PLCB1: variants seen among roughly 807,000 people sequenced by gnomAD.
PLCB1 encodes 1-phosphatidylinositol 4,5-bisphosphate phosphodiesterase beta-1.
In PLCB1, 46 loss-of-function variants were observed where a neutral mutation model predicts 161.8. That is an observed-to-expected ratio of 0.28 (90% confidence interval 0.22 to 0.36). The LOEUF (loss-of-function observed/expected upper bound fraction) is 0.36, where lower values mean the gene tolerates loss of function less well. Among genes scored for constraint, PLCB1 ranks in the 10% least tolerant of loss-of-function variants. The pLI, the probability that PLCB1 is intolerant of heterozygous loss-of-function variation, is 1.00. For synonymous variants in PLCB1, 517 were observed against 503.7 expected, an observed-to-expected ratio of 1.03 and a Z score of -0.35; for missense variants, 1,016 against 1,472.5, an observed-to-expected ratio of 0.69 and a Z score of 5.07.
At chr20:8,593,345 G>A (rs1033596599) in intron 3 of PLCB1, among the ~76,000 whole-genome samples, 4 of 151,752 alleles carry the variant, frequency 2.6e-5, no homozygotes, top group African/African-American at 9.7e-5. Context: ...TCTAATTTGT[G>A]TGTGCGCGTG....
chr20:8,285,986 T>C (rs968843697), intron 2 of PLCB1, among the ~76,000 whole-genome samples: 3 of 152,198 alleles, frequency 2.0e-5, no homozygotes, highest in Admixed American at 1.3e-4. Context: ...TAGTAGTCCA[T>C]TGGTCATTTT....
At chr20:8,781,429 C>G (rs6140715) in intron 27 of PLCB1, among the ~76,000 whole-genome samples, 3 of 54,828 alleles carry the variant, frequency 5.5e-5, no homozygotes, top group Non-Finnish European at 1.2e-4. Flanking sequence ...CACACACACA[C>G]ACACACACAC....
intron 2 of PLCB1, among the ~76,000 whole-genome samples, chr20:8,284,089 GTTAAT>G (rs1360290673): frequency 1.3e-5 from 2 of 151,698 alleles, no homozygotes; most frequent in East Asian, 3.9e-4. Context: ...ATCAATAAAT[GTTAAT>G]TTAATAAGGG....
chr20:8,735,528 G>T (rs1000525544), intron 19 of PLCB1, among the ~76,000 whole-genome samples: 1 of 152,110 alleles, frequency 6.6e-6, no homozygotes, highest in South Asian at 2.1e-4. Context: ...TCATCTTCTG[G>T]CATAGATTTT....
intron 22 of PLCB1, 41 bp downstream of exon 22, chr20:8,740,489 A>G (rs905570567): frequency 4.4e-6 from 5 of 1,125,366 alleles, no homozygotes; most frequent in African/African-American, 3.2e-5. Context: ...TCAAAGGGGT[A>G]TTTCTGTCTG....
chr20:8,134,209 G>A (rs2051320716), intron 1 of PLCB1, among the ~76,000 whole-genome samples: 1 of 152,010 alleles, frequency 6.6e-6, no homozygotes, highest in Non-Finnish European at 1.5e-5. Flanking sequence ...TAAATGCTTT[G>A]TGTCAGGGAA....
chr20:8,338,360 A>G (rs1985663216), intron 2 of PLCB1, among the ~76,000 whole-genome samples: 1 of 152,132 alleles, frequency 6.6e-6, no homozygotes, highest in Non-Finnish European at 1.5e-5. Context: ...GTTAACATTA[A>G]TGGGAGGAAT....
At chr20:8,365,275 C>A (rs1986672077) in intron 2 of PLCB1, among the ~76,000 whole-genome samples, 1 of 152,196 alleles carries the variant, frequency 6.6e-6, no homozygotes, top group Non-Finnish European at 1.5e-5. Context: ...CTTACATTTT[C>A]TGCCTCCTAC....
chr20:8,860,476 G>A (rs1987217809), intron 31 of PLCB1, among the ~76,000 whole-genome samples: 1 of 152,114 alleles, frequency 6.6e-6, no homozygotes, highest in Non-Finnish European at 1.5e-5. Flanking sequence ...ATTTAACTTT[G>A]CCTTGGCTCA....
intron 2 of PLCB1, among the ~76,000 whole-genome samples, chr20:8,290,053 T>C (rs1600290470): frequency 3.3e-5 from 5 of 152,336 alleles, no homozygotes; most frequent in Admixed American, 3.3e-4. Flanking sequence ...CTAATTAATT[T>C]TTACTGTGTA....
chr20:8,813,236 C>T (rs1984918097), intron 31 of PLCB1, among the ~76,000 whole-genome samples: 1 of 152,198 alleles, frequency 6.6e-6, no homozygotes, highest in Non-Finnish European at 1.5e-5. Context: ...TAATACATTT[C>T]TCTACCAAGT....
chr20:8,654,917 T>TA (rs1268217803), intron 7 of PLCB1, among the ~76,000 whole-genome samples: 3 of 152,064 alleles, frequency 2.0e-5, no homozygotes, highest in African/African-American at 7.2e-5. Flanking sequence ...TAATGATGCT[T>TA]ACTTATTTTA....
At chr20:8,209,414 G>C (rs900526975) in intron 2 of PLCB1, among the ~76,000 whole-genome samples, 3 of 152,018 alleles carry the variant, frequency 2.0e-5, no homozygotes, top group Non-Finnish European at 2.9e-5. Context: ...GTTAGTTATT[G>C]TCTTCAAACA....
At chr20:8,734,135 C>CAAAAAAAAAAAAAAAAAAAA (rs10624037) in intron 19 of PLCB1, among the ~76,000 whole-genome samples, 2 of 57,934 alleles carry the variant, frequency 3.5e-5, no homozygotes, top group African/African-American at 7.1e-5. Context: ...GACTCTGTCT[C>CAAAAAAAAAAAAAAAAAAAA]AAAAAAAAAA....
At chr20:8,626,326 C>T (rs1014785474) in intron 3 of PLCB1, among the ~76,000 whole-genome samples, 3 of 152,078 alleles carry the variant, frequency 2.0e-5, no homozygotes, top group African/African-American at 7.2e-5. Context: ...CTACTCTGAG[C>T]ACCTACTCTG....
At chr20:8,610,924 G>A (rs1437628414) in intron 3 of PLCB1, among the ~76,000 whole-genome samples, 2 of 151,880 alleles carry the variant, frequency 1.3e-5, no homozygotes, top group African/African-American at 4.8e-5. Flanking sequence ...TGATAATGAT[G>A]AGAAGTTTTA....
At chr20:8,473,605 G>C (rs1466483769) in intron 3 of PLCB1, among the ~76,000 whole-genome samples, 1 of 152,134 alleles carries the variant, frequency 6.6e-6, no homozygotes, top group Admixed American at 6.5e-5. Context: ...TTAGTATCAA[G>C]ACCGAGGTGC....
chr20:8,308,481 G>A (rs1470929668), intron 2 of PLCB1, among the ~76,000 whole-genome samples: 1 of 151,980 alleles, frequency 6.6e-6, no homozygotes, highest in African/African-American at 2.4e-5. Flanking sequence ...GCTGGGCACG[G>A]TGGCAGGTGC....
At chr20:8,836,089 G>C (rs1034537965) in intron 31 of PLCB1, among the ~76,000 whole-genome samples, 1 of 152,022 alleles carries the variant, frequency 6.6e-6, no homozygotes, top group Non-Finnish European at 1.5e-5. Flanking sequence ...ACGGGGCCCT[G>C]TGTCTCTCTT....
Sources: allele counts gnomAD v4.1 joint callset (sites outside exome capture counted in the v4.1 genomes callset), GRCh38; gene constraint gnomAD v4.1.1; transcripts MANE v1.5; gene names NCBI Gene and HGNC (gene_info 2026-07-23, HGNC 2026-07-21).